Variants in ALK observed in about 807,000 individuals in gnomAD.
The protein encoded by ALK is ALK tyrosine kinase receptor.
ALK carries 74 observed loss-of-function variants against 163.1 expected under a neutral mutation model. That is an observed-to-expected ratio of 0.45 (90% CI 0.38 to 0.55). The LOEUF is 0.55. Among genes scored for constraint, ALK ranks in the 20% least tolerant of loss-of-function variants. ALK has a pLI of 0.00. For missense variants in ALK, 2,063 were observed against 2,105.3 expected, an observed-to-expected ratio of 0.98 and a Z score of 0.39; for synonymous variants, 960 against 843.2, an observed-to-expected ratio of 1.14 and a Z score of -2.40.
In ALK at chr2:29,296,950, G is replaced by T; in HGVS notation, c.1755C>A (p.Ala585=). The part of the protein sequence containing the change: ...KEQGRMVWHV[A]AYEGLSLWQW... ...GCCACAGGCTCAAGCCTTCATAGGCGGCGACATGCCAGACCATCCTGCCTT... is the reference window on the plus strand; with the variant it reads ...GCCACAGGCTCAAGCCTTCATAGGCTGCGACATGCCAGACCATCCTGCCTT... Residue 585 remains alanine, a synonymous_variant, in exon 9 of 29, where the codon GCC becomes GCA. Coordinates refer to ENST00000389048, the MANE Select transcript of ALK (RefSeq NM_004304.5). The T allele has an allele frequency of 3.7e-6, 6 of 1,614,200 alleles. No individual in the cohort carries two copies. The highest frequency in any genetic ancestry group is 4.2e-6 in the Non-Finnish European group (5 of 1,180,038).
intron 9 of ALK, among the ~76,000 whole-genome samples, chr2:29,288,584 C>A (rs1284267432): frequency 6.6e-6 from 1 of 152,204 alleles, no homozygotes; most frequent in Non-Finnish European, 1.5e-5. Flanking sequence ...CCTGTTGTCA[C>A]TGAGATTCAT....
At chr2:29,551,782 T>A (rs1024567770) in intron 3 of ALK, among the ~76,000 whole-genome samples, 9 of 152,212 alleles carry the variant, frequency 5.9e-5, no homozygotes, top group African/African-American at 2.2e-4. Context: ...GAGGTTAGAA[T>A]ATTTTTCTTT....
intron 4 of ALK, among the ~76,000 whole-genome samples, chr2:29,481,036 G>A (rs1373424044): frequency 1.3e-5 from 2 of 152,146 alleles, no homozygotes; most frequent in African/African-American, 2.4e-5. Context: ...CATATATCAC[G>A]TGGGTGTATT....
intron 1 of ALK, among the ~76,000 whole-genome samples, chr2:29,757,412 G>A (rs1178943663): frequency 3.3e-5 from 5 of 152,134 alleles, no homozygotes; most frequent in Non-Finnish European, 7.3e-5. Flanking sequence ...GCTGAGATAC[G>A]AACCCAGGCA....
At chr2:29,313,629 T>A (rs905913737) in intron 8 of ALK, among the ~76,000 whole-genome samples, 1 of 152,118 alleles carries the variant, frequency 6.6e-6, no homozygotes, top group African/African-American at 2.4e-5. Flanking sequence ...AGGAAGAGCA[T>A]GAAACTCAGA....
At chr2:29,567,972 G>A (rs1471892625) in intron 3 of ALK, among the ~76,000 whole-genome samples, 1 of 152,192 alleles carries the variant, frequency 6.6e-6, no homozygotes, top group Non-Finnish European at 1.5e-5. Flanking sequence ...AGAACATTGA[G>A]AGAAATGACA....
intron 5 of ALK, among the ~76,000 whole-genome samples, chr2:29,338,445 A>G (rs755687031): frequency 8.5e-5 from 13 of 152,162 alleles, no homozygotes; most frequent in Non-Finnish European, 1.9e-4. Context: ...TTAGCTAAAC[A>G]TCGGGATGTG....
intron 3 of ALK, among the ~76,000 whole-genome samples, chr2:29,537,506 C>T (rs1159310372): frequency 6.6e-6 from 1 of 152,246 alleles, no homozygotes; most frequent in Non-Finnish European, 1.5e-5. Context: ...CTTGGCAGCT[C>T]CCATCTAAAT....
rs1253899333 is a variant in ALK at position 29,227,714 on chromosome 2, T to C, written c.2816-42A>G. 6.6e-7 allele frequency: 1 copy of C among 1,522,130 alleles called. No individual in the cohort carries two copies. Among genetic ancestry groups the C allele is most frequent in the South Asian group, 1.1e-5 (1 of 89,110 alleles). The allele number at this position is 1,522,130 out of a possible 1,614,324, so 94.3% of individuals were successfully genotyped here. A position where few individuals can be genotyped will look rare whatever the true frequency, so the allele number is the denominator to read the frequency against. On this transcript the variant is annotated intron_variant, in intron 16 of 28. Transcript: ENST00000389048. The surrounding 1 kb of genome is among the most constrained non-coding windows in gnomAD (Gnocchi z 4.4). ...AGCAGAGTTTAACATGGGGGGTGGG[T>C]GCCAAAATCTTAACACACACACACG...
chr2:29,278,539 C>T (rs1013127794), intron 9 of ALK, among the ~76,000 whole-genome samples: 4 of 152,168 alleles, frequency 2.6e-5, no homozygotes, highest in Non-Finnish European at 5.9e-5. Context: ...CCACGATTTC[C>T]GTGGGGTCTC....
chr2:29,322,286 T>C (rs1028881919), intron 6 of ALK, among the ~76,000 whole-genome samples: 2 of 152,218 alleles, frequency 1.3e-5, no homozygotes, highest in African/African-American at 4.8e-5. Context: ...TCTGTGCATT[T>C]CACACAGAGG....
intron 1 of ALK, among the ~76,000 whole-genome samples, chr2:29,829,758 C>T (rs182646685): frequency 2.6e-5 from 4 of 152,150 alleles, no homozygotes; most frequent in Non-Finnish European, 5.9e-5. Flanking sequence ...GCAAGACTGT[C>T]TCTGATTCTC....
chr2:29,704,621 G>GAT (rs1245480642), intron 2 of ALK, among the ~76,000 whole-genome samples: 1 of 152,126 alleles, frequency 6.6e-6, no homozygotes, highest in Non-Finnish European at 1.5e-5. Context: ...CCAATGATCA[G>GAT]ATGGCTCAAC....
intron 3 of ALK, among the ~76,000 whole-genome samples, chr2:29,622,216 A>G (rs1676056251): frequency 6.6e-6 from 1 of 152,142 alleles, no homozygotes; most frequent in African/African-American, 2.4e-5. Context: ...CTTACCAATC[A>G]ACCAACCAAC....
intron 2 of ALK, among the ~76,000 whole-genome samples, chr2:29,717,011 A>C (rs1160210942): frequency 2.7e-5 from 4 of 149,968 alleles, no homozygotes; most frequent in African/African-American, 9.8e-5. Context: ...AAAAAAAAAA[A>C]AAAAAAAAAA....
chr2:29,888,185 T>C (rs1035874641), intron 1 of ALK, among the ~76,000 whole-genome samples: 1 of 151,970 alleles, frequency 6.6e-6, no homozygotes, highest in Admixed American at 6.6e-5. Context: ...CCAATTACCA[T>C]GGCTGTTCCT....
chr2:29,479,967 A>T (rs998527724), intron 4 of ALK, among the ~76,000 whole-genome samples: 3 of 152,230 alleles, frequency 2.0e-5, no homozygotes, highest in African/African-American at 7.2e-5. Context: ...CTTCCTAAAC[A>T]GCCCTTCTCA....
intron 4 of ALK, among the ~76,000 whole-genome samples, chr2:29,479,881 C>T (rs982199071): frequency 6.6e-6 from 1 of 152,198 alleles, no homozygotes; most frequent in African/African-American, 2.4e-5. Context: ...GGGAAAAGGA[C>T]ATGAGAGTCT....
intron 26 of ALK, among the ~76,000 whole-genome samples, chr2:29,199,287 CAAAG>C (rs1669101924): frequency 6.6e-6 from 1 of 152,092 alleles, no homozygotes; most frequent in Admixed American, 6.6e-5. Flanking sequence ...TTTAGCATAC[CAAAG>C]AAAGATTTTT....
Sources: allele counts gnomAD v4.1 joint callset (sites outside exome capture counted in the v4.1 genomes callset), GRCh38; gene constraint gnomAD v4.1.1; non-coding constraint Gnocchi (gnomAD v3.1); transcripts MANE v1.5; gene names NCBI Gene and HGNC (gene_info 2026-07-23, HGNC 2026-07-21).